IPMK: variants seen among roughly 807,000 people sequenced by gnomAD.
IPMK encodes the protein inositol polyphosphate multikinase.
Under a neutral mutation model 45.8 loss-of-function variants are expected in IPMK, and 17 were observed. That is an observed-to-expected ratio of 0.37 (90% CI 0.25 to 0.56). The LOEUF (loss-of-function observed/expected upper bound fraction) is 0.56, where lower values mean the gene tolerates loss of function less well. Ranked by LOEUF, IPMK falls within the 20% of genes least tolerant of loss-of-function variation. IPMK has a pLI of 0.79. For missense variants in IPMK, 399 were observed against 498.0 expected (o/e 0.80, Z 1.89); for synonymous variants, 180 against 184.3 (o/e 0.98, Z 0.19).
At chr10:58,261,107 T>A (rs200881353) in intron 1 of IPMK, among the ~76,000 whole-genome samples, 6 of 139,454 alleles carry the variant, frequency 4.3e-5, no homozygotes, top group East Asian at 2.0e-4. Flanking sequence ...GGCTGAGCTA[T>A]AAAAAAAAAA....
At position 58,267,563 on chromosome 10, in the gene IPMK, G is replaced by C; in HGVS notation, c.49C>G (p.Pro17Ala). 1.2e-6 allele frequency: 2 copies of C among 1,609,918 alleles called. No individual in the cohort carries two copies. Among genetic ancestry groups the C allele is most frequent in the Non-Finnish European group, 8.5e-7 (1 of 1,178,496 alleles). The part of the protein sequence containing the change: ...SPLRVEAPGP[P>A]EMRTSPAIES... Reference sequence around the variant, plus strand: ...ATCGCCGGTGAGGTCCGCATTTCTGGGGGGCCCGGCGCCTCGACCCGGAGG... The same window carrying C: ...ATCGCCGGTGAGGTCCGCATTTCTGCGGGGCCCGGCGCCTCGACCCGGAGG... The change falls in exon 1 of 6, where the codon CCA becomes GCA. Residue 17 changes from proline to alanine, a missense_variant. Physicochemically the swap from Pro to Ala is conservative, Grantham distance 27. This residue lies in a region of IPMK where 111 missense variants were observed against 99.9 expected (regional missense o/e 1.11). Coordinates refer to ENST00000373935, the MANE Select transcript of IPMK (RefSeq NM_152230.5).
At chr10:58,211,879 T>C (rs1197356828) in intron 4 of IPMK, among the ~76,000 whole-genome samples, 2 of 100,144 alleles carry the variant, frequency 2.0e-5, no homozygotes, top group Non-Finnish European at 3.7e-5. Flanking sequence ...GCCACTGCAC[T>C]CCAGCCTGGG....
At chr10:58,226,904 AAG>A in intron 3 of IPMK, 137 bp downstream of exon 3, 1 of 565,992 alleles carries the variant, frequency 1.8e-6, no homozygotes, top group East Asian at 3.0e-5. Context: ...CATTTAGTGA[AAG>A]AAAGATTAGA....
intron 4 of IPMK, among the ~76,000 whole-genome samples, chr10:58,203,826 T>C (rs983251990): frequency 7.9e-5 from 12 of 152,212 alleles, no homozygotes; most frequent in African/African-American, 2.4e-4. Flanking sequence ...GAGCATCACA[T>C]GCTCCAGAGA....
chr10:58,235,574 C>G (rs7896449), intron 2 of IPMK, among the ~76,000 whole-genome samples: 51,457 of 151,958 alleles, frequency 0.34, 10,955 homozygotes, highest in African/African-American at 0.61. Flanking sequence ...GGACAGAAAA[C>G]CAAACACCAC....
intron 1 of IPMK, among the ~76,000 whole-genome samples, chr10:58,257,274 C>T (rs945395495): frequency 3.0e-4 from 45 of 152,216 alleles, no homozygotes; most frequent in African/African-American, 1.1e-3. Context: ...GCGGGTTGAT[C>T]GCCTGAGGTC....
intron 2 of IPMK, among the ~76,000 whole-genome samples, chr10:58,235,688 C>A (rs1239037028): frequency 6.6e-6 from 1 of 152,026 alleles, no homozygotes; most frequent in East Asian, 1.9e-4. Context: ...GGAGGGATAG[C>A]GTTATGAGAA....
chr10:58,232,040 A>G (rs1340988770), intron 2 of IPMK, among the ~76,000 whole-genome samples: 1 of 152,252 alleles, frequency 6.6e-6, no homozygotes, highest in Non-Finnish European at 1.5e-5. Context: ...AGTCTCTGAT[A>G]AAACAGACTT....
At chr10:58,230,599 A>G (rs1838500318) in intron 2 of IPMK, among the ~76,000 whole-genome samples, 1 of 152,252 alleles carries the variant, frequency 6.6e-6, no homozygotes, top group African/African-American at 2.4e-5. Context: ...TGTTAGAAGG[A>G]AAACTAACAA....
intron 4 of IPMK, among the ~76,000 whole-genome samples, chr10:58,208,981 T>G (rs1355290568): frequency 2.0e-5 from 3 of 152,206 alleles, no homozygotes; most frequent in Non-Finnish European, 4.4e-5. Flanking sequence ...CCCTACCAAG[T>G]CAGCGGGAAA....
chr10:58,240,970 T>A (rs757304192), intron 1 of IPMK, among the ~76,000 whole-genome samples: 5 of 152,092 alleles, frequency 3.3e-5, no homozygotes, highest in Non-Finnish European at 5.9e-5. Context: ...GGATCAAAAG[T>A]CTTAAGTTGT....
chr10:58,193,105 A>C lies in IPMK; in HGVS notation c.*2971T>G, dbSNP rs1235729067. ...ATCCTACATCTTCTATAATATTCCA[A>C]CCCCTAGAAACAAATGTATTTTCAG... On this transcript the variant is annotated 3_prime_UTR_variant, in exon 6 of 6. Transcript: ENST00000373935. 1 of 151,894 alleles carries C rather than the reference A, an allele frequency of 6.6e-6. No homozygotes were observed. The highest frequency in any genetic ancestry group is 2.1e-4 in the South Asian group (1 of 4,824). 9.4% of individuals were successfully genotyped at this position (151,894 alleles called of 1,614,324 possible).
At position 58,211,901 on chromosome 10, in the gene IPMK, C is replaced by CAAAAAAAAAAA. The variant is rs753050298; in HGVS notation, c.546+4233_546+4243dup. On this transcript the variant is annotated intron_variant, in intron 4 of 5. Coordinates refer to ENST00000373935, the MANE Select transcript of IPMK (RefSeq NM_152230.5). Reference sequence around the variant, plus strand: ...CACTCCAGCCTGGGTGACATCTCACCAAAAAAAAAAAAAAAAAAAAAAAAT... The same window carrying CAAAAAAAAAAA: ...CACTCCAGCCTGGGTGACATCTCACCAAAAAAAAAAAAAAAAAAAAAAAAAAAAAAAAAAAT... Among the ~76,000 whole-genome samples, 273 of 50,366 alleles carry CAAAAAAAAAAA rather than the reference C, an allele frequency of 5.4e-3. 21 individuals are homozygous for CAAAAAAAAAAA. Among genetic ancestry groups the CAAAAAAAAAAA allele is most frequent in the African/African-American group, 0.022 (244 of 11,034 alleles). The allele number at this position is 50,366 out of a possible 152,430, so 33.0% of individuals were successfully genotyped here.
chr10:58,193,720 A>G lies in IPMK; in HGVS notation c.*2356T>C, dbSNP rs1837849268. 6.6e-6 allele frequency: 1 copy of G among 151,832 alleles called. No individual in the cohort carries two copies. Among genetic ancestry groups the G allele is most frequent in the Non-Finnish European group, 1.5e-5 (1 of 67,738 alleles). 9.4% of individuals were successfully genotyped at this position (151,832 alleles called of 1,614,324 possible). ...TATGAGAATCCTATTAACCCAAACTATATCCGCATTATGCTTATTTCTTAA... is the reference window on the plus strand; with the variant it reads ...TATGAGAATCCTATTAACCCAAACTGTATCCGCATTATGCTTATTTCTTAA... On this transcript the variant is annotated 3_prime_UTR_variant, in exon 6 of 6. Transcript: ENST00000373935.
At chr10:58,236,895 C>T (rs140821083) in intron 2 of IPMK, among the ~76,000 whole-genome samples, 7 of 152,244 alleles carry the variant, frequency 4.6e-5, no homozygotes, top group Non-Finnish European at 1.0e-4. Flanking sequence ...CAAAGTGAGA[C>T]CCCATCTCTA....
In IPMK at chr10:58,195,599, C is replaced by T. The variant is rs1837879907; in HGVS notation, c.*477G>A. 1 of 153,152 alleles carries T rather than the reference C, an allele frequency of 6.5e-6. No homozygotes were observed. The highest frequency in any genetic ancestry group is 6.5e-5 in the Admixed American group (1 of 15,358). The allele number at this position is 153,152 out of a possible 1,614,324, so 9.5% of individuals were successfully genotyped here. A position where few individuals can be genotyped will look rare whatever the true frequency, so the allele number is the denominator to read the frequency against. On this transcript the variant is annotated 3_prime_UTR_variant, in exon 6 of 6. Transcript: ENST00000373935. ...TATAAAACCTAAACAGTACTTATTTCTGAAGTAGAATTTTCTCCAGTTTTA... is the reference window on the plus strand; with the variant it reads ...TATAAAACCTAAACAGTACTTATTTTTGAAGTAGAATTTTCTCCAGTTTTA...
At chr10:58,212,534 T>A in intron 4 of IPMK, 1 of 206,760 alleles carries the variant, frequency 4.8e-6, no homozygotes. Flanking sequence ...CCGAATTTGT[T>A]AACCCTTTTC....
chr10:58,242,557 T>C (rs1161933668), intron 1 of IPMK, among the ~76,000 whole-genome samples: 2 of 151,460 alleles, frequency 1.3e-5, no homozygotes, highest in Non-Finnish European at 2.9e-5. Context: ...AAATACATGG[T>C]ATAACAGAGA....
chr10:58,212,934 C>G (rs1028108377), intron 4 of IPMK: 2 of 217,768 alleles, frequency 9.2e-6, no homozygotes, highest in Non-Finnish European at 2.0e-5. Context: ...TGACCATATT[C>G]CCCTCCACCA....
Sources: gnomAD v4.1 joint callset for allele counts (sites outside exome capture counted in the v4.1 genomes callset) on GRCh38, gnomAD v4.1.1 for gene constraint, gnomAD v4.1.1 regional missense constraint, MANE v1.5 for transcripts, NCBI Gene and HGNC (gene_info 2026-07-23, HGNC 2026-07-21) for gene names.